Variants in CNIH3 observed in about 807,000 individuals in gnomAD.
The protein encoded by CNIH3 is protein cornichon homolog 3.
Under a neutral mutation model 24.1 loss-of-function variants are expected in CNIH3, and 14 were observed. That is an observed-to-expected ratio of 0.58 (90% CI 0.38 to 0.91). CNIH3 has a LOEUF of 0.91. Ranked by LOEUF, CNIH3 falls within the 40% of genes least tolerant of loss-of-function variation. The pLI is 0.00. For missense variants in CNIH3, 178 were observed against 196.8 expected (o/e 0.90, Z 0.57); for synonymous variants, 68 against 73.8 (o/e 0.92, Z 0.40).
chr1:224,664,449 GTCTT>G (rs1219520887), intron 1 of CNIH3, among the ~76,000 whole-genome samples: 1 of 152,154 alleles, frequency 6.6e-6, no homozygotes, highest in Admixed American at 6.5e-5. Context: ...ACATTGCATT[GTCTT>G]GCCTCCTCCA....
At chr1:224,472,739 C>T (rs56168737) in intron 1 of CNIH3, among the ~76,000 whole-genome samples, 22,410 of 152,060 alleles carry the variant, frequency 0.15, 1,820 homozygotes, top group South Asian at 0.24. Context: ...CACTAAAGAA[C>T]TTATTCATGT....
intron 2 of CNIH3, among the ~76,000 whole-genome samples, chr1:224,529,837 A>G (rs1220916553): frequency 6.6e-6 from 1 of 152,206 alleles, no homozygotes; most frequent in African/African-American, 2.4e-5. Context: ...AACGGGCTGT[A>G]CCTTCATGCC....
intron 3 of CNIH3, among the ~76,000 whole-genome samples, chr1:224,711,476 G>A (rs1470232795): frequency 2.0e-5 from 3 of 151,860 alleles, no homozygotes; most frequent in African/African-American, 4.8e-5. Flanking sequence ...ATGAGCCACC[G>A]TGCCTAGCTC....
intron 3 of CNIH3, among the ~76,000 whole-genome samples, chr1:224,726,145 C>T (rs1189747487): frequency 6.6e-6 from 1 of 152,190 alleles, no homozygotes; most frequent in African/African-American, 2.4e-5. Flanking sequence ...GGGTGGAGGG[C>T]ACATGTGTGC....
At chr1:224,480,076 C>G (rs1430809105) in intron 1 of CNIH3, among the ~76,000 whole-genome samples, 3 of 152,218 alleles carry the variant, frequency 2.0e-5, no homozygotes, top group Non-Finnish European at 2.9e-5. Context: ...TCTTTCCATA[C>G]ATCTTCTGAA....
intron 3 of CNIH3, among the ~76,000 whole-genome samples, chr1:224,553,437 A>G (rs1009090238): frequency 6.6e-6 from 1 of 152,068 alleles, no homozygotes; most frequent in Non-Finnish European, 1.5e-5. Flanking sequence ...AGAATTCCTC[A>G]ATGCTCATTC....
At chr1:224,573,687 G>T (rs1420350882) in intron 4 of CNIH3, among the ~76,000 whole-genome samples, 1 of 152,172 alleles carries the variant, frequency 6.6e-6, no homozygotes, top group Non-Finnish European at 1.5e-5. Flanking sequence ...TCAAGCATGA[G>T]AAACTAATTC....
At chr1:224,501,527 T>TATATATA (rs1558111650) in intron 1 of CNIH3, among the ~76,000 whole-genome samples, 20 of 96,500 alleles carry the variant, frequency 2.1e-4, no homozygotes, top group African/African-American at 6.9e-4. Context: ...ATATATATAT[T>TATATATA]TTTTTTTTTT....
chr1:224,513,367 G>GT (rs1678246133), upstream of CNIH3, among the ~76,000 whole-genome samples: 1 of 141,482 alleles, frequency 7.1e-6, no homozygotes, highest in Non-Finnish European at 1.6e-5. Flanking sequence ...GGTGGGAGGG[G>GT]GGGGGTCTCT....
At chr1:224,546,342 A>G (rs1229210973) in intron 2 of CNIH3, among the ~76,000 whole-genome samples, 4 of 152,226 alleles carry the variant, frequency 2.6e-5, no homozygotes, top group Non-Finnish European at 4.4e-5. Flanking sequence ...AAATGACAAT[A>G]GAACACAGTA....
At chr1:224,549,718 GTGA>G (rs1214286784) in intron 3 of CNIH3, among the ~76,000 whole-genome samples, 1 of 151,972 alleles carries the variant, frequency 6.6e-6, no homozygotes, top group Non-Finnish European at 1.5e-5. Flanking sequence ...AACTATGAGA[GTGA>G]TGATATTTCA....
chr1:224,593,600 A>T (rs1390377166), downstream of CNIH3, among the ~76,000 whole-genome samples: 1 of 152,236 alleles, frequency 6.6e-6, no homozygotes, highest in Non-Finnish European at 1.5e-5. Flanking sequence ...GATAATGTTT[A>T]TACTAATTAC....
At chr1:224,594,594 A>T (rs186497691) in intron 3 of CNIH3, among the ~76,000 whole-genome samples, 10 of 152,316 alleles carry the variant, frequency 6.6e-5, no homozygotes, top group South Asian at 2.1e-4. Context: ...GGCCAGAGTG[A>T]GGGAAAATCT....
intron 1 of CNIH3, among the ~76,000 whole-genome samples, chr1:224,640,846 C>T (rs1204853830): frequency 6.6e-6 from 1 of 152,140 alleles, no homozygotes; most frequent in Non-Finnish European, 1.5e-5. Flanking sequence ...CGTTAAGGGG[C>T]AGGGGCTGTT....
At chr1:224,644,086 G>T (rs1045705177) in intron 1 of CNIH3, among the ~76,000 whole-genome samples, 2 of 152,222 alleles carry the variant, frequency 1.3e-5, no homozygotes, top group East Asian at 1.9e-4. Context: ...GACCGAGTGG[G>T]GCTTGTCCAT....
intron 3 of CNIH3, among the ~76,000 whole-genome samples, chr1:224,605,146 G>C (rs1003123539): frequency 6.6e-6 from 1 of 152,212 alleles, no homozygotes; most frequent in Non-Finnish European, 1.5e-5. Flanking sequence ...GGATCAATCA[G>C]AGCAAAGTAC....
intron 1 of CNIH3, among the ~76,000 whole-genome samples, chr1:224,658,988 A>C (rs1180363642): frequency 6.6e-6 from 1 of 152,246 alleles, no homozygotes; most frequent in Non-Finnish European, 1.5e-5. Context: ...TCTGACACAG[A>C]GGCCCAGATG....
chr1:224,702,349 T>C (rs921168035), intron 3 of CNIH3, among the ~76,000 whole-genome samples: 3 of 152,248 alleles, frequency 2.0e-5, no homozygotes, highest in Admixed American at 6.5e-5. Flanking sequence ...TGTGGGCTTA[T>C]ATCCCAGGAG....
rs572982952 is a variant in CNIH3, at chr1:224,501,809, G to T, written n.204-13932G>T. On this transcript the variant is annotated intron_variant and non_coding_transcript_variant, in intron 1 of 5. Coordinates refer to the CNIH3 transcript ENST00000471578. ...TTGCCCAGGCTGGTCTCAAACTCCT[G>T]AGCTCAGGCAATCCACCTGCCTCGG... Among the ~76,000 whole-genome samples the T allele has an allele frequency of 3.9e-5, 6 of 152,048 alleles. No homozygotes were observed. In the South Asian group the frequency reaches 1.2e-3, roughly 32 times the overall value.
Sources: gnomAD v4.1 joint callset for allele counts (sites outside exome capture counted in the v4.1 genomes callset) on GRCh38, gnomAD v4.1.1 for gene constraint, MANE v1.5 for transcripts, NCBI Gene and HGNC (gene_info 2026-07-23, HGNC 2026-07-21) for gene names.